EML5: variants seen among roughly 807,000 people sequenced by gnomAD.
The protein encoded by EML5 is EMAP like 5, also known as echinoderm microtubule-associated protein-like 5.
In EML5, 120 loss-of-function variants were observed where a neutral mutation model predicts 250.0. The observed-to-expected ratio is 0.48, with a 90% CI of 0.41 to 0.56. EML5 has a LOEUF of 0.56. Among genes scored for constraint, EML5 ranks in the 20% least tolerant of loss-of-function variants. The pLI is 0.00. For missense variants in EML5, 2,006 were observed against 2,437.6 expected (o/e 0.82, Z 3.73); for synonymous variants, 771 against 806.5 (o/e 0.96, Z 0.75).
chr14:88,759,322 GT>G (rs754276677), intron 1 of EML5, among the ~76,000 whole-genome samples: 9 of 152,116 alleles, frequency 5.9e-5, no homozygotes, highest in Non-Finnish European at 1.2e-4. Flanking sequence ...TCTTCATCTT[GT>G]TTTCTCACCT....
At position 88,702,531 on chromosome 14, in the gene EML5, T is replaced by G. The variant is rs1566662006; in HGVS notation, c.2153A>C (p.Asn718Thr). ...ATGACCCAGATAAAAACGCTGTGTG[T>G]TTTGCTGTCGATTATAAATGACACC... is the stretch of plus-strand genomic sequence containing the variant. ...AVGVIYNRQQNTQRFYLGHDD... is the reference protein window; with the variant it reads ...AVGVIYNRQQTTQRFYLGHDD... The change falls in exon 14 of 44, where the codon AAC becomes ACC. Residue 718 changes from asparagine to threonine, a missense_variant. Asn to Thr is a moderately conservative substitution (Grantham distance 65, BLOSUM62 0). Coordinates refer to ENST00000554922, the MANE Select transcript of EML5 (RefSeq NM_183387.3). 6.2e-7 allele frequency: 1 copy of G among 1,613,378 alleles called. No individual in the cohort carries two copies. The highest frequency in any genetic ancestry group is 1.7e-5 in the Admixed American group (1 of 59,944).
At chr14:88,690,918 C>T (rs1566641335) in intron 17 of EML5, among the ~76,000 whole-genome samples, 1 of 152,188 alleles carries the variant, frequency 6.6e-6, no homozygotes, top group Non-Finnish European at 1.5e-5. Context: ...CCTGCCACTA[C>T]CTGTTTTTGT....
rs1404979763 is a variant in EML5, at chr14:88,694,328, T to A, written c.2518A>T (p.Met840Leu). 6.3e-7 allele frequency: 1 copy of A among 1,587,722 alleles called. No individual in the cohort carries two copies. Among genetic ancestry groups the A allele is most frequent in the Non-Finnish European group, 8.6e-7 (1 of 1,166,488 alleles). The change falls in exon 17 of 44, where the codon ATG (methionine) becomes TTG (leucine). Residue 840 changes from methionine to leucine, a missense_variant. By Grantham distance (15) the Met-to-Leu change is conservative. Around this residue, in one of 7 missense-constraint regions of EML5, gnomAD observed 1,375 missense variants for 1,590.3 expected, o/e 0.86. Transcript: ENST00000554922. ...TTACCTGCTTTACGCCAAAATTTCA[T>A]GTGTTTAATTCCAGCTGTAATTAGT... ...DKLITAGIKHMKFWRKAGGGL... is the reference protein window; with the variant it reads ...DKLITAGIKHLKFWRKAGGGL...
intron 11 of EML5, 81 bp from the exon 12 acceptor site, chr14:88,705,669 G>C: frequency 9.8e-7 from 1 of 1,017,332 alleles, no homozygotes; most frequent in South Asian, 1.4e-5. Flanking sequence ...ATGATTAAGA[G>C]CTATGTCAGT....
At chr14:88,669,617 G>A (rs1335632290) in intron 21 of EML5, among the ~76,000 whole-genome samples, 1 of 152,138 alleles carries the variant, frequency 6.6e-6, no homozygotes, top group African/African-American at 2.4e-5. Flanking sequence ...TAGAGGGGAG[G>A]GGCATCCGTG....
intron 1 of EML5, among the ~76,000 whole-genome samples, chr14:88,760,246 T>A (rs1291870613): frequency 6.6e-6 from 1 of 152,204 alleles, no homozygotes; most frequent in East Asian, 1.9e-4. Context: ...AATAAAGATT[T>A]CCTCTGATAT....
intron 31 of EML5, 127 bp from the exon 32 acceptor site, chr14:88,639,034 T>C: frequency 1.5e-6 from 1 of 662,282 alleles, no homozygotes; most frequent in South Asian, 2.0e-5. Flanking sequence ...GAGCACTTAC[T>C]ATGTATACAG....
At chr14:88,743,404 A>C (rs922485556) in intron 4 of EML5, among the ~76,000 whole-genome samples, 3 of 152,080 alleles carry the variant, frequency 2.0e-5, no homozygotes, top group Non-Finnish European at 4.4e-5. Context: ...TTGTCAAAAA[A>C]AAAATTTAAA....
intron 42 of EML5, chr14:88,616,491 T>C: frequency 3.3e-6 from 2 of 604,528 alleles, no homozygotes; most frequent in South Asian, 4.5e-5. Context: ...GATAACTGAT[T>C]ATAGGTTTGG....
rs1313177054 is a variant in EML5 at position 88,792,099 on chromosome 14, C to T, written c.197+208G>A. On this transcript the variant is annotated intron_variant, in intron 1 of 43. Coordinates refer to ENST00000554922, the MANE Select transcript of EML5 (RefSeq NM_183387.3). The surrounding 1 kb of genome is among the most constrained non-coding windows in gnomAD (Gnocchi z 6.9). The stretch of plus-strand genomic sequence containing the variant: ...GATCCGCGGACCTGATCTTCCTGCA[C>T]GGACCCGAGAGAGAGTCCCTAGACG... Among the ~76,000 whole-genome samples the T allele has an allele frequency of 6.6e-6, 1 of 152,200 alleles. No homozygotes were observed. The highest frequency in any genetic ancestry group is 2.4e-5 in the African/African-American group (1 of 41,448).
chr14:88,754,105 A>G (rs752655014), intron 2 of EML5, among the ~76,000 whole-genome samples: 7 of 152,186 alleles, frequency 4.6e-5, no homozygotes, highest in Non-Finnish European at 8.8e-5. Flanking sequence ...CAGCCTGGGC[A>G]GCAGAGCGTG....
chr14:88,638,126 T>G (rs1330698153), intron 32 of EML5, among the ~76,000 whole-genome samples: 2 of 152,228 alleles, frequency 1.3e-5, no homozygotes, highest in Non-Finnish European at 1.5e-5. Context: ...TCAATAAATT[T>G]TACAAACGTA....
intron 1 of EML5, among the ~76,000 whole-genome samples, chr14:88,768,548 T>A (rs1331639097): frequency 1.3e-5 from 2 of 152,018 alleles, no homozygotes; most frequent in Non-Finnish European, 2.9e-5. Flanking sequence ...GTAGCTGGAA[T>A]TACAGGTGCC....
chr14:88,733,126 G>C (rs575711458), intron 7 of EML5, among the ~76,000 whole-genome samples: 1 of 152,260 alleles, frequency 6.6e-6, no homozygotes, highest in Non-Finnish European at 1.5e-5. Context: ...CTTAAAACAA[G>C]AAGTGAGGTC....
chr14:88,618,968 T>G, intron 39 of EML5, 156 bp from the exon 40 acceptor site: 1 of 573,112 alleles, frequency 1.7e-6, no homozygotes, highest in African/African-American at 1.9e-5. Flanking sequence ...ATACTGAGAT[T>G]GTCTGGGTTA....
chr14:88,728,464 C>T (rs903910035), intron 7 of EML5, among the ~76,000 whole-genome samples: 1 of 152,070 alleles, frequency 6.6e-6, no homozygotes, highest in African/African-American at 2.4e-5. Context: ...ACACTTTGTG[C>T]ATTATATGTA....
At position 88,709,958 on chromosome 14, in the gene EML5, T is replaced by G. The variant is rs548560310; in HGVS notation, c.1657+2313A>C. On this transcript the variant is annotated intron_variant, in intron 10 of 43. Transcript: ENST00000554922. ...GAATTTCCTGGAATCTAAATGATATTTTCTCCAAATATAAATTTTCATTTG... is the reference window on the plus strand; with the variant it reads ...GAATTTCCTGGAATCTAAATGATATGTTCTCCAAATATAAATTTTCATTTG... Among the ~76,000 whole-genome samples the G allele has an allele frequency of 2.0e-5, 3 of 152,326 alleles. 1 individual carries two copies. Among genetic ancestry groups the G allele is most frequent in the African/African-American group, 7.2e-5 (3 of 41,568 alleles).
At chr14:88,764,537 T>A (rs1036968162) in intron 1 of EML5, among the ~76,000 whole-genome samples, 2 of 152,208 alleles carry the variant, frequency 1.3e-5, no homozygotes, top group African/African-American at 4.8e-5. Context: ...CTGATCCTTT[T>A]CAAAGAACCA....
At chr14:88,656,717 C>A (rs1158355634) in intron 27 of EML5, among the ~76,000 whole-genome samples, 1 of 150,730 alleles carries the variant, frequency 6.6e-6, no homozygotes, top group Non-Finnish European at 1.5e-5. Flanking sequence ...TTAAAGACAA[C>A]CTGCCTTTTT....
Sources: gnomAD v4.1 joint callset for allele counts (sites outside exome capture counted in the v4.1 genomes callset) on GRCh38, gnomAD v4.1.1 for gene constraint, gnomAD v4.1.1 regional missense constraint, Gnocchi (gnomAD v3.1) non-coding constraint, MANE v1.5 for transcripts, NCBI Gene and HGNC (gene_info 2026-07-23, HGNC 2026-07-21) for gene names.